ABCD3: variants seen among roughly 807,000 people sequenced by gnomAD.
ABCD3 encodes ATP-binding cassette sub-family D member 3.
In ABCD3, 41 loss-of-function variants were observed where a neutral mutation model predicts 105.5. That is an observed-to-expected ratio of 0.39 (90% CI 0.30 to 0.50). The LOEUF is 0.50. ABCD3 is among the 20% of genes least tolerant of loss of function. The pLI is 0.84. For missense variants in ABCD3, 622 were observed against 806.3 expected (o/e 0.77, Z 2.77); for synonymous variants, 258 against 269.0 (o/e 0.96, Z 0.40).
Position 94,473,208 on chromosome 1 carries a change from T to C in ABCD3, c.336-558T>C, listed in dbSNP as rs577069684. On this transcript the variant is annotated intron_variant, in intron 4 of 22. Coordinates refer to ENST00000370214, the MANE Select transcript of ABCD3 (RefSeq NM_002858.4). ...GCCATCTGTTTTGGTAAAGTTTTAT[T>C]AGAATACAGCCACACTTCTTGGCTG... Among the ~76,000 whole-genome samples the C allele has an allele frequency of 1.2e-4, 18 of 152,180 alleles. No homozygotes were observed. In the East Asian group the frequency reaches 3.5e-3, roughly 29 times the overall value.
At chr1:94,399,777 T>C in the ABCD3 span, among the ~76,000 whole-genome samples, 1 of 152,134 alleles carries the variant, frequency 6.6e-6, no homozygotes, top group Admixed American at 6.5e-5. Context: ...AGTGCTGCAG[T>C]TAGAGGGGAA....
chr1:94,506,397 G>C lies in ABCD3; in HGVS notation c.1741-141G>C. The stretch of plus-strand genomic sequence containing the variant: ...TATGTTTATATTGTTTCTATTTCTG[G>C]GAAGTAGATTTTTTGAATTAGAATA... On this transcript the variant is annotated intron_variant, in intron 20 of 22. Transcript: ENST00000370214. 4.9e-6 allele frequency: 3 copies of C among 617,266 alleles called. No homozygotes were observed. The South Asian group carries it at 5.0e-5, about 10-fold the overall frequency. 38.2% of individuals were successfully genotyped at this position (617,266 alleles called of 1,614,324 possible).
the ABCD3 span, among the ~76,000 whole-genome samples, chr1:94,412,854 A>C: frequency 1.3e-5 from 2 of 152,186 alleles, no homozygotes; most frequent in African/African-American, 4.8e-5. Context: ...TAATCCTTTC[A>C]TATGTTTAAG....
chr1:94,506,701 TCCAAATCTGTCCA>T, intron 21 of ABCD3, 59 bp downstream of exon 21: 2 of 1,207,366 alleles, frequency 1.7e-6, no homozygotes, highest in Non-Finnish European at 2.5e-6. Context: ...GTAAACTATG[TCCAAATCTGTCCA>T]AAGAGAAGAT....
At chr1:94,490,287 G>T (rs1649471356) in intron 15 of ABCD3, among the ~76,000 whole-genome samples, 1 of 151,826 alleles carries the variant, frequency 6.6e-6, no homozygotes, top group African/African-American at 2.4e-5. Context: ...CAAATTTCAG[G>T]TATACAATAT....
chr1:94,414,607 A>C (rs1332491544), upstream of ABCD3, among the ~76,000 whole-genome samples: 1 of 152,076 alleles, frequency 6.6e-6, no homozygotes, highest in Admixed American at 6.5e-5. Context: ...ATGCAGAATA[A>C]AAATCCTACC....
intron 1 of ABCD3, among the ~76,000 whole-genome samples, chr1:94,458,180 C>T (rs888524314): frequency 7.9e-5 from 12 of 152,260 alleles, no homozygotes; most frequent in South Asian, 2.1e-4. Context: ...TAGGATTGCT[C>T]ACATGGTTGG....
At chr1:94,455,788 GATC>G in intron 1 of ABCD3, 1 of 1,251,964 alleles carries the variant, frequency 8.0e-7, no homozygotes, top group African/African-American at 1.5e-5. Flanking sequence ...AGAGCTGACT[GATC>G]ATGTGACTCA....
the ABCD3 span, among the ~76,000 whole-genome samples, chr1:94,410,881 A>G: frequency 6.6e-6 from 1 of 152,238 alleles, no homozygotes; most frequent in Admixed American, 6.5e-5. Flanking sequence ...TTTCATTTTC[A>G]AATGTAATTG....
At chr1:94,424,336 TACTC>T (rs1240657599) in intron 1 of ABCD3, among the ~76,000 whole-genome samples, 1 of 152,106 alleles carries the variant, frequency 6.6e-6, no homozygotes, top group African/African-American at 2.4e-5. Flanking sequence ...TTTCCTCAGA[TACTC>T]ACATTGCTTA....
rs147442420 is a variant in ABCD3, at chr1:94,457,989, G to A, written c.111-618G>A. Among the ~76,000 whole-genome samples the A allele has an allele frequency of 2.2e-3, 331 of 152,200 alleles. 1 individual carries two copies. The highest frequency in any genetic ancestry group is 3.4e-3 in the Non-Finnish European group (228 of 67,996). ...TGATCAATGTTATGTAGAAGCATAG[G>A]GTGCCATGGTAGTGCGTTATGGAAA... On this transcript the variant is annotated intron_variant, in intron 1 of 22. Coordinates refer to ENST00000370214, the MANE Select transcript of ABCD3 (RefSeq NM_002858.4).
chr1:94,507,121 C>T (rs1650399884), intron 21 of ABCD3, among the ~76,000 whole-genome samples: 1 of 151,960 alleles, frequency 6.6e-6, no homozygotes, highest in African/African-American at 2.4e-5. Context: ...GGTATATCTC[C>T]CAATGCTATC....
At chr1:94,508,523 G>A (rs1205810707) in intron 21 of ABCD3, among the ~76,000 whole-genome samples, 3 of 150,924 alleles carry the variant, frequency 2.0e-5, no homozygotes, top group African/African-American at 7.3e-5. Context: ...TTCCAATTCT[G>A]TGAAGAAAGT....
At chr1:94,453,023 C>A (rs539092280) in intron 1 of ABCD3, among the ~76,000 whole-genome samples, 1 of 152,278 alleles carries the variant, frequency 6.6e-6, no homozygotes, top group African/African-American at 2.4e-5. Flanking sequence ...ACCCGTCTGG[C>A]CTTCCAAAGT....
intron 1 of ABCD3, among the ~76,000 whole-genome samples, chr1:94,430,923 C>T (rs1425447184): frequency 1.3e-5 from 2 of 152,018 alleles, no homozygotes; most frequent in Non-Finnish European, 2.9e-5. Flanking sequence ...GAGAAAACAC[C>T]TTTTCTAACG....
intron 21 of ABCD3, among the ~76,000 whole-genome samples, chr1:94,509,872 A>G (rs1014139145): frequency 2.4e-4 from 37 of 151,758 alleles, no homozygotes; most frequent in African/African-American, 8.9e-4. Flanking sequence ...TATTTGATTC[A>G]TCTCTCTTTT....
chr1:94,475,286 G>A, intron 6 of ABCD3, 46 bp downstream of exon 6: 1 of 1,248,648 alleles, frequency 8.0e-7, no homozygotes, highest in Non-Finnish European at 1.1e-6. Context: ...AAATAGAAGA[G>A]TATTTATGAA....
intron 1 of ABCD3, among the ~76,000 whole-genome samples, chr1:94,453,918 G>T (rs1168288134): frequency 4.9e-5 from 7 of 142,944 alleles, no homozygotes; most frequent in African/African-American, 1.8e-4. Context: ...TAAACTTTTG[G>T]TTGGATGCTT....
chr1:94,453,103 A>C (rs1647339095), intron 1 of ABCD3, among the ~76,000 whole-genome samples: 1 of 152,080 alleles, frequency 6.6e-6, no homozygotes, highest in Admixed American at 6.6e-5. Flanking sequence ...TGCAGCAAAA[A>C]TAATGTGGAA....
Sources: gnomAD v4.1 joint callset for allele counts (sites outside exome capture counted in the v4.1 genomes callset) on GRCh38, gnomAD v4.1.1 for gene constraint, MANE v1.5 for transcripts, NCBI Gene and HGNC (gene_info 2026-07-23, HGNC 2026-07-21) for gene names.